FIBCD1: variants seen among roughly 807,000 people sequenced by gnomAD.
FIBCD1 encodes fibrinogen C domain-containing protein 1.
FIBCD1 carries 47 observed loss-of-function variants against 45.1 expected under a neutral mutation model. The observed-to-expected ratio is 1.04, with a 90% CI of 0.82 to 1.33. The LOEUF (loss-of-function observed/expected upper bound fraction) is 1.33. FIBCD1 is among the 40% of genes most tolerant of loss of function. FIBCD1 has a pLI of 0.00. For missense variants in FIBCD1, 653 were observed against 682.2 expected (o/e 0.96, Z 0.48); for synonymous variants, 313 against 308.1 (o/e 1.02, Z -0.17).
At chr9:130,916,419 G>A (rs947687248) in intron 4 of FIBCD1, among the ~76,000 whole-genome samples, 2 of 152,202 alleles carry the variant, frequency 1.3e-5, no homozygotes, top group African/African-American at 4.8e-5. Flanking sequence ...GCCTGTGCCG[G>A]GCCCTGTGCT....
At position 130,929,788 on chromosome 9, in the gene FIBCD1, C is replaced by T. The variant is rs970385300; in HGVS notation, c.331G>A (p.Ala111Thr). The change falls in exon 2 of 7, where the codon GCC becomes ACC. Residue 111 changes from alanine (A) to threonine (T), a missense_variant. Physicochemically the swap from Ala to Thr is moderately conservative, Grantham distance 58. Transcript: ENST00000372338. ...AGCGCCTGCAGCACCGAGGCCTGGGCGCTCTCCAGGCGTGCGAAGCTGTCG... is the reference window on the plus strand; with the variant it reads ...AGCGCCTGCAGCACCGAGGCCTGGGTGCTCTCCAGGCGTGCGAAGCTGTCG... ...LTDSFARLESAQASVLQALTE... is the reference protein window; with the variant it reads ...LTDSFARLESTQASVLQALTE... 7.7e-6 allele frequency: 12 copies of T among 1,554,260 alleles called. No individual in the cohort carries two copies. Among genetic ancestry groups the T allele is most frequent in the Middle Eastern group, 1.7e-4 (1 of 5,960 alleles).
rs914761492 is a variant in FIBCD1 at position 130,929,828 on chromosome 9, G to A, written c.291C>T (p.Arg97=). The A allele has an allele frequency of 3.2e-6, 5 of 1,549,986 alleles. No homozygotes were observed. The highest frequency in any genetic ancestry group is 3.9e-5 in the Admixed American group (2 of 51,016). Reference sequence around the variant, plus strand: ...CGAAGCTGTCGGTGAGGTCGGGGCAGCGCGGGTCAATGAGGATGCTGAGGT... The same window carrying A: ...CGAAGCTGTCGGTGAGGTCGGGGCAACGCGGGTCAATGAGGATGCTGAGGT... ...SSHLSILIDP[R]CPDLTDSFAR... is the part of the protein sequence containing the mutation. Residue 97 remains arginine (R), a synonymous_variant, in exon 2 of 7, where the codon CGC becomes CGT. Coordinates refer to ENST00000372338, the MANE Select transcript of FIBCD1 (RefSeq NM_032843.5).
Position 130,924,247 on chromosome 9 carries a change from G to A in FIBCD1, c.702C>T (p.Gly234=), listed in dbSNP as rs1294313067. ...CCCTGCCCCACTCACCAGTGGCACA[G>A]CCCCGGGGCCGGGTTCCCCGGGCAG... ...RAPARGTRPR[G]CATGSRPRDC... The change falls in exon 3 of 7, where the codon GGC becomes GGT. Residue 234 remains glycine (G), a synonymous_variant. Coordinates refer to ENST00000372338, the MANE Select transcript of FIBCD1 (RefSeq NM_032843.5). 1 of 1,594,544 alleles carries A rather than the reference G, an allele frequency of 6.3e-7. No homozygotes were observed. The highest frequency in any genetic ancestry group is 2.3e-5 in the East Asian group (1 of 44,378).
chr9:130,923,625 A>T, intron 4 of FIBCD1, 119 bp downstream of exon 4: 1 of 1,434,396 alleles, frequency 7.0e-7, no homozygotes, highest in Non-Finnish European at 9.4e-7. Flanking sequence ...GGGCAGGGCC[A>T]GTCCACAGAT....
intron 1 of FIBCD1, among the ~76,000 whole-genome samples, chr9:130,937,312 T>C (rs1252223268): frequency 1.3e-5 from 2 of 151,692 alleles, no homozygotes; most frequent in African/African-American, 2.4e-5. Context: ...TAGACCAGAG[T>C]TTGAATCCCC....
chr9:130,924,401 G>C lies in FIBCD1; in HGVS notation c.553-5C>G. ...GCCCTGGCTCTCAGAGAGAAGCTGC[G>C]GAGCACAGGGGGTGAGCCGAGGGGG... On this transcript the variant is annotated splice_region_variant and splice_polypyrimidine_tract_variant and intron_variant, in intron 2 of 6. Transcript: ENST00000372338. 1 of 1,605,062 alleles carries C rather than the reference G, an allele frequency of 6.2e-7. No homozygotes were observed. Among genetic ancestry groups the C allele is most frequent in the South Asian group, 1.1e-5 (1 of 89,044 alleles).
rs373810288 is a variant in FIBCD1, at chr9:130,905,331, G to C, written c.1029C>G (p.Ala343=). ...CGCCGAAGCTCCCGTAGCGGGCATA[G>C]GCCGTGCCATTCTCAAAGTCCTCCA... is the stretch of plus-strand genomic sequence containing the variant. ...VDLEDFENGT[A]YARYGSFGVG... Residue 343 remains alanine (A), a synonymous_variant, in exon 6 of 7, where the codon GCC becomes GCG. Coordinates refer to ENST00000372338, the MANE Select transcript of FIBCD1 (RefSeq NM_032843.5). The C allele has an allele frequency of 2.3e-5, 37 of 1,613,922 alleles. No individual in the cohort carries two copies. Among genetic ancestry groups the C allele is most frequent in the Non-Finnish European group, 3.1e-5 (36 of 1,180,000 alleles).
At chr9:130,907,755 C>T (rs913767848) in intron 5 of FIBCD1, among the ~76,000 whole-genome samples, 2 of 151,788 alleles carry the variant, frequency 1.3e-5, no homozygotes, top group Non-Finnish European at 2.9e-5. Flanking sequence ...AAAAATTAGC[C>T]GGGCGTGGTG....
intron 6 of FIBCD1, 150 bp from the exon 7 acceptor site, chr9:130,904,473 G>T (rs1486406173): frequency 8.8e-7 from 1 of 1,136,928 alleles, no homozygotes; most frequent in African/African-American, 1.6e-5. Flanking sequence ...TGCTGTGCAC[G>T]CGTGCAAGCG....
rs549566274 is a variant in FIBCD1, at chr9:130,929,124, G to A, written c.552+443C>T. Among the ~76,000 whole-genome samples, 9 of 152,286 alleles carry A rather than the reference G, an allele frequency of 5.9e-5. No homozygotes were observed. In the East Asian group the frequency reaches 1.7e-3, roughly 29 times the overall value. On this transcript the variant is annotated intron_variant, in intron 2 of 6. Transcript: ENST00000372338. Reference sequence around the variant, plus strand: ...GGGTATTGCATGGTGTGAACTGGGAGGGGGTATGGAGAGATGGGGTGCGGC... The same window carrying A: ...GGGTATTGCATGGTGTGAACTGGGAAGGGGTATGGAGAGATGGGGTGCGGC...
At position 130,923,853 on chromosome 9, in the gene FIBCD1, A is replaced by T. The variant is rs993848074; in HGVS notation, c.740T>A (p.Val247Asp). 1.3e-5 allele frequency: 21 copies of T among 1,612,530 alleles called. No individual in the cohort carries two copies. Among genetic ancestry groups the T allele is most frequent in the Non-Finnish European group, 1.8e-5 (21 of 1,179,982 alleles). Residue 247 changes from valine to aspartate, a missense_variant, in exon 4 of 7, where the codon GTC becomes GAC. Physicochemically the swap from Val to Asp is radical, Grantham distance 152. Coordinates refer to ENST00000372338, the MANE Select transcript of FIBCD1 (RefSeq NM_032843.5). ...ATCGTCCTGCTGTCCGCTTAGGAGG[A>T]CGTCCAGACAGTCTCGGGGCCGGGA... ...TGSRPRDCLDVLLSGQQDDGV... is the reference protein window; with the variant it reads ...TGSRPRDCLDDLLSGQQDDGV...
intron 5 of FIBCD1, among the ~76,000 whole-genome samples, chr9:130,911,195 C>G (rs1832035132): frequency 6.6e-6 from 1 of 152,220 alleles, no homozygotes. Flanking sequence ...CCTGAGCCAG[C>G]TAGACCACGA....
rs972416830 is a variant in FIBCD1 at position 130,936,913 on chromosome 9, A to G, written c.72+1623T>C. On this transcript the variant is annotated intron_variant, in intron 1 of 6. Coordinates refer to ENST00000372338, the MANE Select transcript of FIBCD1 (RefSeq NM_032843.5). ...ACAGGGCATCAGGAAGTCTTCCTGG[A>G]GGAGGTGGCAGCATTTGAGCTTGAT... Among the ~76,000 whole-genome samples the G allele has an allele frequency of 4.6e-5, 7 of 152,160 alleles. No individual in the cohort carries two copies. The East Asian group carries it at 1.4e-3, about 29-fold the overall frequency.
chr9:130,903,894 T>C lies in FIBCD1; in HGVS notation c.*170A>G. ...GGGGGTGGGGACGGCGAGAAGGCGA[T>C]GTGTGACTTCACCGGCCCAGGGAGC... On this transcript the variant is annotated 3_prime_UTR_variant, in exon 7 of 7. Coordinates refer to ENST00000372338, the MANE Select transcript of FIBCD1 (RefSeq NM_032843.5). 1 of 821,278 alleles carries C rather than the reference T, an allele frequency of 1.2e-6. No homozygotes were observed. The highest frequency in any genetic ancestry group is 2.0e-6 in the Non-Finnish European group (1 of 490,160). 50.9% of individuals were successfully genotyped at this position (821,278 alleles called of 1,614,324 possible). A position where few individuals can be genotyped will look rare whatever the true frequency, so the allele number is the denominator to read the frequency against.
chr9:130,911,494 G>A (rs1188934514), intron 5 of FIBCD1, among the ~76,000 whole-genome samples: 1 of 152,218 alleles, frequency 6.6e-6, no homozygotes, highest in Admixed American at 6.5e-5. Context: ...GCTTGATTCA[G>A]GACAGCCAGC....
At chr9:130,930,795 G>A (rs973687281) in intron 1 of FIBCD1, 4 of 456,044 alleles carry the variant, frequency 8.8e-6, no homozygotes, top group South Asian at 3.1e-5. Context: ...CAGTTTCCTC[G>A]CCTGTAAAAC....
rs1342668696 is a variant in FIBCD1 at position 130,939,128 on chromosome 9, G to A, written c.-521C>T. On this transcript the variant is annotated 5_prime_UTR_variant, in exon 1 of 7. Transcript: ENST00000372338. The stretch of plus-strand genomic sequence containing the variant: ...GCCGGAGGGCAGCAAACAGCCGCGG[G>A]CGGCCCGGCTCCTGCTGGCTCCCGG... The A allele has an allele frequency of 3.3e-5, 5 of 152,138 alleles. No individual in the cohort carries two copies. The highest frequency in any genetic ancestry group is 2.1e-4 in the South Asian group (1 of 4,836). The allele number at this position is 152,138 out of a possible 1,614,324, so 9.4% of individuals were successfully genotyped here. A position where few individuals can be genotyped will look rare whatever the true frequency, so the allele number is the denominator to read the frequency against.
intron 5 of FIBCD1, 127 bp downstream of exon 5, chr9:130,911,665 T>C (rs535024810): frequency 2.7e-6 from 2 of 731,254 alleles, no homozygotes; most frequent in African/African-American, 3.5e-5. Context: ...ACCTGTGAGC[T>C]GGCTCAGGTG....
In FIBCD1 at chr9:130,929,583, T is replaced by C; in HGVS notation, c.536A>G (p.Gln179Arg). The stretch of plus-strand genomic sequence containing the variant: ...CAGCCCTACCTGGATGAGGCGGCCC[T>C]GCTCACTCTGCAGGGCGCTGAGGCC... ...GQGLSALQSEQGRLIQLLSES... is the reference protein window; with the variant it reads ...GQGLSALQSERGRLIQLLSES... Residue 179 changes from glutamine (Q) to arginine (R), a missense_variant, in exon 2 of 7, where the codon CAG (glutamine) becomes CGG (arginine). Physicochemically the swap from Gln to Arg is conservative, Grantham distance 43. Transcript: ENST00000372338. 2.0e-6 allele frequency: 3 copies of C among 1,508,438 alleles called. No homozygotes were observed. The highest frequency in any genetic ancestry group is 2.7e-6 in the Non-Finnish European group (3 of 1,131,184). 93.4% of individuals were successfully genotyped at this position (1,508,438 alleles called of 1,614,324 possible). A position where few individuals can be genotyped will look rare whatever the true frequency, so the allele number is the denominator to read the frequency against.
Sources: allele counts gnomAD v4.1 joint callset (sites outside exome capture counted in the v4.1 genomes callset), GRCh38; gene constraint gnomAD v4.1.1; transcripts MANE v1.5; gene names NCBI Gene and HGNC (gene_info 2026-07-23, HGNC 2026-07-21).